The following COX7B2 variants were observed in gnomAD, a reference collection of about 807,000 sequenced individuals.
The protein encoded by COX7B2 is cytochrome c oxidase subunit 7B2.
For synonymous variants in COX7B2, 37 were observed against 32.1 expected, an observed-to-expected ratio of 1.15 and a Z score of -0.51; for missense variants, 109 against 95.9, an observed-to-expected ratio of 1.14 and a Z score of -0.57.
intron 2 of COX7B2, among the ~76,000 whole-genome samples, chr4:46,750,422 A>T (rs559107946): frequency 2.0e-5 from 3 of 152,008 alleles, no homozygotes; most frequent in Non-Finnish European, 4.4e-5. Flanking sequence ...ATAAATGAGA[A>T]TTTCTTTTAT....
chr4:46,808,031 T>G (rs181280241), intron 2 of COX7B2, among the ~76,000 whole-genome samples: 2 of 152,012 alleles, frequency 1.3e-5, no homozygotes, highest in Admixed American at 1.3e-4. Context: ...ATATTGGTTT[T>G]AAAGTTGTTG....
intron 1 of COX7B2, among the ~76,000 whole-genome samples, chr4:46,878,264 A>G (rs1687244590): frequency 6.6e-6 from 1 of 152,064 alleles, no homozygotes; most frequent in Admixed American, 6.6e-5. Flanking sequence ...AAAAGGGGAG[A>G]AAAAAGTCAA....
At chr4:46,776,683 T>G (rs1463314868) in intron 2 of COX7B2, among the ~76,000 whole-genome samples, 2 of 152,124 alleles carry the variant, frequency 1.3e-5, no homozygotes, top group Admixed American at 6.6e-5. Context: ...TTCTGTCTCC[T>G]TTCTTCAGCC....
At chr4:46,843,129 G>A (rs1577645587) in intron 2 of COX7B2, among the ~76,000 whole-genome samples, 2 of 152,098 alleles carry the variant, frequency 1.3e-5, no homozygotes, top group Admixed American at 1.3e-4. Flanking sequence ...TTATGGTTTT[G>A]ATTTGCATTT....
intron 2 of COX7B2, among the ~76,000 whole-genome samples, chr4:46,831,991 C>G (rs908875809): frequency 1.3e-5 from 2 of 152,138 alleles, no homozygotes; most frequent in Admixed American, 1.3e-4. Flanking sequence ...ATGGTAAATG[C>G]ACCAATCAGC....
intron 1 of COX7B2, among the ~76,000 whole-genome samples, chr4:46,881,001 A>AAAAAT (rs1342408427): frequency 6.6e-6 from 1 of 150,634 alleles, no homozygotes; most frequent in African/African-American, 2.5e-5. Flanking sequence ...AATAAAAAAA[A>AAAAAT]AAAAAAAAAA....
rs749311463 is a variant in COX7B2, at chr4:46,735,087, C to T, written c.106G>A (p.Asp36Asn). 3.7e-6 allele frequency: 6 copies of T among 1,613,880 alleles called. No homozygotes were observed. Among genetic ancestry groups the T allele is most frequent in the African/African-American group, 1.3e-5 (1 of 74,908 alleles). ...GCTAGCACAGCATTACCATATTTAT[C>T]ATGAAAATCTGGTGAGTGTTTTACA... ...SHVKHSPDFH[D>N]KYGNAVLASG... Residue 36 changes from aspartate (D) to asparagine (N), a missense_variant, in exon 3 of 3, where the codon GAT (aspartate) becomes AAT (asparagine). By Grantham distance (23) the Asp-to-Asn change is conservative. Transcript: ENST00000355591.
At chr4:46,781,024 C>A (rs576292942) in intron 2 of COX7B2, among the ~76,000 whole-genome samples, 2 of 152,056 alleles carry the variant, frequency 1.3e-5, no homozygotes, top group Non-Finnish European at 2.9e-5. Flanking sequence ...TTCAATATGG[C>A]AGATATAGGG....
intron 2 of COX7B2, among the ~76,000 whole-genome samples, chr4:46,804,213 G>C (rs1005712532): frequency 1.3e-5 from 2 of 152,162 alleles, no homozygotes; most frequent in African/African-American, 4.8e-5. Context: ...TTCACGGTGA[G>C]TGTTACAGCT....
At chr4:46,896,984 T>C (rs1025034472) in intron 1 of COX7B2, among the ~76,000 whole-genome samples, 1 of 152,228 alleles carries the variant, frequency 6.6e-6, no homozygotes, top group African/African-American at 2.4e-5. Flanking sequence ...CTCTGGAAGA[T>C]GTGTCAGCTT....
intron 2 of COX7B2, among the ~76,000 whole-genome samples, chr4:46,761,736 C>G (rs1369184615): frequency 6.6e-6 from 1 of 151,998 alleles, no homozygotes; most frequent in East Asian, 1.9e-4. Context: ...GGTTTTTATT[C>G]TGCCCTTCTC....
intron 2 of COX7B2, among the ~76,000 whole-genome samples, chr4:46,737,571 G>A (rs138873037): frequency 0.011 from 1,716 of 152,196 alleles, 20 homozygotes; most frequent in Middle Eastern, 0.037. Context: ...TAAAATGAAT[G>A]CTAAGAACAA....
At chr4:46,799,169 T>C (rs1718521144) in intron 2 of COX7B2, among the ~76,000 whole-genome samples, 1 of 152,152 alleles carries the variant, frequency 6.6e-6, no homozygotes, top group South Asian at 2.1e-4. Context: ...GCTTGAACGT[T>C]ATTGGTGTAT....
chr4:46,907,940 G>A (rs1189283920), intron 1 of COX7B2, among the ~76,000 whole-genome samples: 1 of 131,834 alleles, frequency 7.6e-6, no homozygotes, highest in Non-Finnish European at 1.5e-5. Flanking sequence ...TGCAACCTCC[G>A]CCTCCCGGGT....
chr4:46,740,272 C>A lies in COX7B2; in HGVS notation c.-49-5031G>T, dbSNP rs1714625829. On this transcript the variant is annotated intron_variant, in intron 2 of 2. Transcript: ENST00000355591. ...CCACAGACATGTGAAAATAAAAGAACTATGATCACTACAAACAGTGTTAGA... is the reference window on the plus strand; with the variant it reads ...CCACAGACATGTGAAAATAAAAGAAATATGATCACTACAAACAGTGTTAGA... Among the ~76,000 whole-genome samples, 3 of 152,132 alleles carry A rather than the reference C, an allele frequency of 2.0e-5. 1 individual carries two copies. The highest frequency in any genetic ancestry group is 4.1e-4 in the South Asian group (2 of 4,826).
chr4:46,738,195 C>T lies in COX7B2; in HGVS notation c.-49-2954G>A, dbSNP rs115165077. Among the ~76,000 whole-genome samples the T allele has an allele frequency of 4.6e-3, 703 of 152,182 alleles. 6 individuals are homozygous for T. Among genetic ancestry groups the T allele is most frequent in the Non-Finnish European group, 5.7e-3 (389 of 67,970 alleles). ...GTGATAACAGGGATTTCTAGTGGGT[C>T]GGCTCATGCTTGCTGCTTTATGACA... is the stretch of plus-strand genomic sequence containing the variant. On this transcript the variant is annotated intron_variant, in intron 2 of 2. Transcript: ENST00000355591.
chr4:46,784,464 A>C (rs1717645416), intron 2 of COX7B2, among the ~76,000 whole-genome samples: 1 of 152,140 alleles, frequency 6.6e-6, no homozygotes, highest in Admixed American at 6.5e-5. Context: ...GTCTCTATTA[A>C]AAATACAAAA....
intron 2 of COX7B2, among the ~76,000 whole-genome samples, chr4:46,819,053 T>C (rs550542843): frequency 6.6e-6 from 1 of 152,368 alleles, no homozygotes; most frequent in South Asian, 2.1e-4. Context: ...CTTTGGTATG[T>C]TCACAATCAC....
rs532385219 is a variant in COX7B2 at position 46,823,217 on chromosome 4, G to A, written c.-50+21743C>T. 8.4e-4 allele frequency among the ~76,000 whole-genome samples: 128 copies of A among 151,884 alleles called. 1 individual carries two copies. The highest frequency in any genetic ancestry group is 1.5e-3 in the Admixed American group (23 of 15,254). On this transcript the variant is annotated intron_variant, in intron 2 of 2. Transcript: ENST00000355591. ...AGCCACTATTTCCAAAATTCCATCC[G>A]GATACATCACCACTATTTATCTTAT...
Sources: allele counts gnomAD v4.1 joint callset (sites outside exome capture counted in the v4.1 genomes callset), GRCh38; gene constraint gnomAD v4.1.1; transcripts MANE v1.5; gene names NCBI Gene and HGNC (gene_info 2026-07-23, HGNC 2026-07-21).